RGS6: variants seen among roughly 807,000 people sequenced by gnomAD.
RGS6 encodes the protein regulator of G-protein signaling 6.
In RGS6, 30 loss-of-function variants were observed where a neutral mutation model predicts 78.5. That is an observed-to-expected ratio of 0.38 (90% CI 0.29 to 0.52). The LOEUF (loss-of-function observed/expected upper bound fraction) is 0.52, where lower values mean the gene tolerates loss of function less well. Among genes scored for constraint, RGS6 ranks in the 20% least tolerant of loss-of-function variants. RGS6 has a pLI of 0.85. For missense variants in RGS6, 495 were observed against 609.7 expected (o/e 0.81, Z 1.98); for synonymous variants, 206 against 206.0 (o/e 1.00, Z 0.00).
intron 17 of RGS6, chr14:72,550,677 C>T: frequency 1.4e-6 from 2 of 1,468,144 alleles, no homozygotes; most frequent in South Asian, 2.8e-5. Flanking sequence ...CAATCAATCA[C>T]TAGCCTTTGT....
the RGS6 span, among the ~76,000 whole-genome samples, chr14:71,905,829 C>A: frequency 6.6e-6 from 1 of 152,152 alleles, no homozygotes; most frequent in Non-Finnish European, 1.5e-5. Context: ...AAGCTGCCTA[C>A]CCCTTTCTGT....
intron 2 of RGS6, among the ~76,000 whole-genome samples, chr14:72,018,178 T>C (rs2087504432): frequency 8.9e-6 from 1 of 111,740 alleles, no homozygotes; most frequent in Non-Finnish European, 1.8e-5. Flanking sequence ...CTTAGATTTG[T>C]AGGAAGTCTT....
At chr14:72,575,828 A>G in the RGS6 span, among the ~76,000 whole-genome samples, 6 of 152,236 alleles carry the variant, frequency 3.9e-5, no homozygotes, top group African/African-American at 1.4e-4. Flanking sequence ...TAAAATAAAT[A>G]TATTTTAAAA....
At chr14:72,601,066 G>A in the RGS6 span, among the ~76,000 whole-genome samples, 3 of 149,632 alleles carry the variant, frequency 2.0e-5, no homozygotes, top group African/African-American at 7.4e-5. Flanking sequence ...GAGGAGGAGG[G>A]GGAGGAGGAG....
At chr14:71,977,871 G>C (rs898399772) in intron 2 of RGS6, among the ~76,000 whole-genome samples, 2 of 151,972 alleles carry the variant, frequency 1.3e-5, no homozygotes, top group Non-Finnish European at 1.5e-5. Flanking sequence ...CCATTTTCAC[G>C]ATATTGATTC....
the RGS6 span, among the ~76,000 whole-genome samples, chr14:71,894,513 G>T: frequency 6.6e-6 from 1 of 152,284 alleles, no homozygotes; most frequent in East Asian, 1.9e-4. Context: ...TGTCTATGGA[G>T]CAGCTGTCCT....
intron 2 of RGS6, among the ~76,000 whole-genome samples, chr14:72,110,619 CTTACTTGTGCAAACATGGACA>C (rs1273428567): frequency 2.0e-5 from 3 of 152,322 alleles, no homozygotes; most frequent in Middle Eastern, 3.4e-3. Context: ...TCCAGTTTCT[CTTACTTGTGCAAACATGGACA>C]TTCTTATGCC....
rs1035050397 is a variant in RGS6 at position 72,001,166 on chromosome 14, G to A, written c.84+36291G>A. Among the ~76,000 whole-genome samples the A allele has an allele frequency of 5.3e-5, 8 of 152,134 alleles. No individual in the cohort carries two copies. In the South Asian group the frequency reaches 1.0e-3, roughly 20 times the overall value. On this transcript the variant is annotated intron_variant, in intron 2 of 17. Coordinates refer to ENST00000553525, the MANE Select transcript of RGS6 (RefSeq NM_001204424.2). The stretch of plus-strand genomic sequence containing the variant: ...GTGTGCAGTTGTTAAGCAACTGCTC[G>A]CAGTCGCGGTGGCCCTGCTAAATTG...
chr14:71,964,783 ACACT>A lies in RGS6; in HGVS notation c.-6_-3del, dbSNP rs1186898423. Reference sequence around the variant, plus strand: ...ATTTATTTTTGCAGTGTGAGTGAAGACACTCAGGATGGCTCAAGGATCCGGGGAT... The same window carrying A: ...ATTTATTTTTGCAGTGTGAGTGAAGACAGGATGGCTCAAGGATCCGGGGAT... On this transcript the variant is annotated 5_prime_UTR_variant, in exon 2 of 18. Coordinates refer to ENST00000553525, the MANE Select transcript of RGS6 (RefSeq NM_001204424.2). The A allele has an allele frequency of 6.2e-7, 1 of 1,607,162 alleles. No individual in the cohort carries two copies. Among genetic ancestry groups the A allele is most frequent in the Admixed American group, 1.7e-5 (1 of 59,444 alleles).
chr14:72,141,528 A>G (rs1025948057), intron 2 of RGS6, among the ~76,000 whole-genome samples: 4 of 152,160 alleles, frequency 2.6e-5, no homozygotes, highest in Non-Finnish European at 5.9e-5. Flanking sequence ...GGAGCTCTCT[A>G]AAGTTTCAGA....
At chr14:72,273,284 T>A in intron 2 of RGS6, among the ~76,000 whole-genome samples, 1 of 152,210 alleles carries the variant, frequency 6.6e-6, no homozygotes, top group South Asian at 2.1e-4. Flanking sequence ...AGAACTTATA[T>A]GTATGTGGGT....
intron 2 of RGS6, among the ~76,000 whole-genome samples, chr14:72,143,057 A>T (rs1166775813): frequency 1.3e-5 from 2 of 152,158 alleles, no homozygotes; most frequent in Non-Finnish European, 2.9e-5. Context: ...GAGGAAAAAG[A>T]TGGAGAATCC....
At chr14:72,053,238 A>G (rs572257434) in intron 2 of RGS6, among the ~76,000 whole-genome samples, 2 of 145,402 alleles carry the variant, frequency 1.4e-5, no homozygotes, top group East Asian at 4.1e-4. Context: ...TCCTGCCTCA[A>G]CCTCCCGAGT....
intron 2 of RGS6, among the ~76,000 whole-genome samples, chr14:72,294,829 A>G (rs1481032855): frequency 6.6e-6 from 1 of 152,154 alleles, no homozygotes; most frequent in East Asian, 1.9e-4. Context: ...CTATGATCCA[A>G]TCACCTCTTA....
chr14:72,382,800 C>A (rs2086547896), intron 3 of RGS6, among the ~76,000 whole-genome samples: 2 of 152,094 alleles, frequency 1.3e-5, no homozygotes, highest in African/African-American at 4.8e-5. Flanking sequence ...AAACAATATT[C>A]CTGAGAATAA....
chr14:72,233,817 C>A (rs2050284749), intron 2 of RGS6, among the ~76,000 whole-genome samples: 1 of 152,154 alleles, frequency 6.6e-6, no homozygotes, highest in Non-Finnish European at 1.5e-5. Flanking sequence ...ATGGACCTCT[C>A]TGCCCATGAT....
At chr14:72,599,596 T>TG in the RGS6 span, among the ~76,000 whole-genome samples, 27 of 115,676 alleles carry the variant, frequency 2.3e-4, no homozygotes, top group African/African-American at 7.0e-4. Context: ...TTTTTTTTTT[T>TG]TGTATTTTTA....
intron 2 of RGS6, among the ~76,000 whole-genome samples, chr14:72,349,989 A>T (rs2078812404): frequency 6.6e-6 from 1 of 152,216 alleles, no homozygotes; most frequent in Non-Finnish European, 1.5e-5. Flanking sequence ...CCATTTTTCT[A>T]GCTCTCCTTG....
intron 5 of RGS6, among the ~76,000 whole-genome samples, 197 bp downstream of exon 5, chr14:72,458,574 A>T (rs2095694176): frequency 1.3e-5 from 2 of 152,208 alleles, no homozygotes; most frequent in African/African-American, 4.8e-5. Flanking sequence ...TGTCATTGAG[A>T]GCCTACCATG....
Sources: gnomAD v4.1 joint callset for allele counts (sites outside exome capture counted in the v4.1 genomes callset) on GRCh38, gnomAD v4.1.1 for gene constraint, MANE v1.5 for transcripts, NCBI Gene and HGNC (gene_info 2026-07-23, HGNC 2026-07-21) for gene names.